Variants in SNTG2 observed in about 807,000 individuals in gnomAD.
SNTG2 encodes gamma-2-syntrophin.
In SNTG2, 74 loss-of-function variants were observed where a neutral mutation model predicts 70.9. That is an observed-to-expected ratio of 1.04 (90% CI 0.86 to 1.27). The LOEUF (loss-of-function observed/expected upper bound fraction) is 1.27, where lower values mean the gene tolerates loss of function less well. Among genes scored for constraint, SNTG2 ranks in the 50% most tolerant of loss-of-function variants. The probability of loss-of-function intolerance (pLI) is 0.00; values close to 1 mark genes in which losing one functional copy is unlikely to be tolerated. For missense variants in SNTG2, 717 were observed against 690.7 expected (o/e 1.04, Z -0.43); for synonymous variants, 278 against 273.8 (o/e 1.02, Z -0.15).
At chr2:1,328,533 T>C (rs2148280678) in intron 16 of SNTG2, among the ~76,000 whole-genome samples, 1 of 152,160 alleles carries the variant, frequency 6.6e-6, no homozygotes, top group Admixed American at 6.5e-5. Context: ...TTTTTTTAGG[T>C]CCTCTCTTGT....
chr2:1,028,150 C>T (rs905180433), intron 1 of SNTG2, among the ~76,000 whole-genome samples: 4 of 147,704 alleles, frequency 2.7e-5, no homozygotes, highest in Non-Finnish European at 4.5e-5. Flanking sequence ...AGGTGCATCA[C>T]TGAAGGTGCG....
intron 1 of SNTG2, among the ~76,000 whole-genome samples, chr2:953,872 G>T (rs1660060353): frequency 1.3e-5 from 2 of 152,074 alleles, no homozygotes; most frequent in African/African-American, 4.8e-5. Flanking sequence ...TATGGATGAT[G>T]ACTGTAGACA....
intron 6 of SNTG2, among the ~76,000 whole-genome samples, chr2:1,162,467 T>C (rs1342277431): frequency 6.6e-6 from 1 of 152,084 alleles, no homozygotes; most frequent in Non-Finnish European, 1.5e-5. Context: ...CCTGGTGATG[T>C]TTTGCCTTTT....
intron 1 of SNTG2, among the ~76,000 whole-genome samples, chr2:1,019,850 G>GTGGC (rs1660061187): frequency 6.6e-6 from 1 of 151,982 alleles, no homozygotes; most frequent in African/African-American, 2.4e-5. Flanking sequence ...GGAGACTAGT[G>GTGGC]TGGCCAACAT....
intron 1 of SNTG2, among the ~76,000 whole-genome samples, chr2:1,041,212 A>C (rs975421927): frequency 6.6e-6 from 1 of 152,174 alleles, no homozygotes; most frequent in Non-Finnish European, 1.5e-5. Flanking sequence ...GCTTAGTGTA[A>C]AGAACAGTTA....
intron 1 of SNTG2, among the ~76,000 whole-genome samples, chr2:1,040,238 A>G (rs1661359669): frequency 6.6e-6 from 1 of 152,150 alleles, no homozygotes; most frequent in Non-Finnish European, 1.5e-5. Context: ...CGCCAGTGAC[A>G]CCAGAGTCCC....
intron 1 of SNTG2, among the ~76,000 whole-genome samples, chr2:1,076,832 TAATA>T (rs1480469035): frequency 3.3e-5 from 5 of 152,340 alleles, no homozygotes; most frequent in East Asian, 1.9e-4. Flanking sequence ...AAATAATCAA[TAATA>T]AATAATGCAT....
chr2:1,269,086 C>T (rs1194396992), intron 14 of SNTG2, among the ~76,000 whole-genome samples: 1 of 151,946 alleles, frequency 6.6e-6, no homozygotes, highest in Admixed American at 6.6e-5. Flanking sequence ...TCATCTAGTA[C>T]CCAGATGTAG....
At chr2:1,240,831 C>T (rs1375732324) in intron 11 of SNTG2, among the ~76,000 whole-genome samples, 1 of 150,100 alleles carries the variant, frequency 6.7e-6, no homozygotes, top group Non-Finnish European at 1.5e-5. Flanking sequence ...TCTAAAATTA[C>T]CATCAACTAT....
intron 14 of SNTG2, among the ~76,000 whole-genome samples, chr2:1,281,216 T>TATATGTGGTG: frequency 1.2e-5 from 1 of 85,046 alleles, no homozygotes; most frequent in African/African-American, 5.0e-5. Context: ...GTGGTGTGTG[T>TATATGTGGTG]GTGTTTGTGT....
intron 14 of SNTG2, among the ~76,000 whole-genome samples, chr2:1,275,857 G>A (rs537489430): frequency 5.9e-5 from 9 of 152,196 alleles, no homozygotes; most frequent in Non-Finnish European, 1.2e-4. Flanking sequence ...GAAATTAAAA[G>A]TGCTACTCCA....
intron 16 of SNTG2, among the ~76,000 whole-genome samples, chr2:1,361,079 C>T (rs761224187): frequency 3.3e-5 from 5 of 152,246 alleles, no homozygotes; most frequent in Non-Finnish European, 7.3e-5. Flanking sequence ...GTCCTTGGGG[C>T]CTTTGGTCCA....
At chr2:955,129 C>T (rs1283259844) in intron 1 of SNTG2, among the ~76,000 whole-genome samples, 1 of 152,198 alleles carries the variant, frequency 6.6e-6, no homozygotes, top group Non-Finnish European at 1.5e-5. Flanking sequence ...AGTTTTAATT[C>T]TGTTTTATCT....
At chr2:1,282,867 T>C (rs564089840) in intron 14 of SNTG2, among the ~76,000 whole-genome samples, 61 of 152,152 alleles carry the variant, frequency 4.0e-4, no homozygotes, top group Non-Finnish European at 7.6e-4. Context: ...CACGTCGGCC[T>C]ACGAAAGCCA....
chr2:1,194,455 A>C (rs1351419543), intron 8 of SNTG2, among the ~76,000 whole-genome samples: 1 of 152,150 alleles, frequency 6.6e-6, no homozygotes, highest in Non-Finnish European at 1.5e-5. Flanking sequence ...CTTCTTAGGC[A>C]CCTAAAGATT....
chr2:998,886 A>G (rs919130443), intron 1 of SNTG2, among the ~76,000 whole-genome samples: 7 of 152,130 alleles, frequency 4.6e-5, no homozygotes, highest in Non-Finnish European at 2.9e-5. Flanking sequence ...TCATCAAGAC[A>G]AAAGCATCTG....
intron 14 of SNTG2, among the ~76,000 whole-genome samples, chr2:1,280,783 TCTAA>T (rs755997315): frequency 1.3e-5 from 2 of 152,384 alleles, no homozygotes; most frequent in Admixed American, 6.5e-5. Context: ...TCTGAAAGTA[TCTAA>T]CTGATGCCTA....
intron 12 of SNTG2, among the ~76,000 whole-genome samples, chr2:1,251,654 A>T (rs1311112911): frequency 7.3e-6 from 1 of 137,888 alleles, no homozygotes; most frequent in Non-Finnish European, 1.6e-5. Context: ...CCCCACACAC[A>T]CCACACATGC....
intron 4 of SNTG2, among the ~76,000 whole-genome samples, chr2:1,124,396 G>C (rs1667576446): frequency 6.6e-6 from 1 of 151,078 alleles, no homozygotes; most frequent in African/African-American, 2.4e-5. Context: ...CCAGGTTCAT[G>C]CCATTCTCCT....
Sources: allele counts gnomAD v4.1 joint callset (sites outside exome capture counted in the v4.1 genomes callset), GRCh38; gene constraint gnomAD v4.1.1; transcripts MANE v1.5; gene names NCBI Gene and HGNC (gene_info 2026-07-23, HGNC 2026-07-21).